Variants in DVL1 observed in about 807,000 individuals in gnomAD.
DVL1 encodes the protein segment polarity protein dishevelled homolog DVL-1.
A neutral mutation model predicts 65.0 loss-of-function variants in DVL1; 49 were observed. The observed-to-expected ratio is 0.75, with a 90% CI of 0.60 to 0.96. The LOEUF (loss-of-function observed/expected upper bound fraction) is 0.96, where lower values mean the gene tolerates loss of function less well. Among genes scored for constraint, DVL1 ranks in the 40% least tolerant of loss-of-function variants. The probability of loss-of-function intolerance (pLI) is 0.00; values close to 1 mark genes in which losing one functional copy is unlikely to be tolerated. For synonymous variants in DVL1, 608 were observed against 433.9 expected (o/e 1.40, Z -4.99); for missense variants, 1,197 against 1,045.4 (o/e 1.15, Z -2.00).
intron 13 of DVL1, 40 bp downstream of exon 13, chr1:1,338,229 T>TTGCCCCCCCCCC: frequency 2.0e-6 from 3 of 1,522,360 alleles, no homozygotes; most frequent in Non-Finnish European, 1.8e-6. Flanking sequence ...CCTCCGGCGT[T>TTGCCCCCCCCCC]CCCCTCCCCC....
intron 1 of DVL1, among the ~76,000 whole-genome samples, chr1:1,347,421 C>G (rs1284889879): frequency 6.6e-6 from 1 of 152,206 alleles, no homozygotes; most frequent in South Asian, 2.1e-4. Flanking sequence ...GGGCAACAGT[C>G]AGGCTGTCTC....
intron 1 of DVL1, among the ~76,000 whole-genome samples, chr1:1,343,762 G>T (rs762935507): frequency 6.6e-6 from 1 of 152,170 alleles, no homozygotes; most frequent in East Asian, 1.9e-4. Context: ...CCCAGAGGCC[G>T]CCCACCACCC....
intron 11 of DVL1, 119 bp downstream of exon 11, chr1:1,339,168 A>C (rs1288846503): frequency 3.0e-6 from 4 of 1,353,716 alleles, no homozygotes; most frequent in Non-Finnish European, 4.0e-6. Context: ...GGAGTTGGGG[A>C]CAGGCAACAC....
At position 1,339,810 on chromosome 1, in the gene DVL1, C is replaced by T; in HGVS notation, c.912G>A (p.Val304=). 3.1e-6 allele frequency: 5 copies of T among 1,609,558 alleles called. No homozygotes were observed. Among genetic ancestry groups the T allele is most frequent in the Non-Finnish European group, 4.2e-6 (5 of 1,179,882 alleles). Residue 304 remains valine, a splice_region_variant and synonymous_variant, in exon 9 of 15, where the codon GTG becomes GTA. Transcript: ENST00000378888. ...TCATGTTCTCAAAGTTCACGTCATTCACCTGCAGGGGTGGGGATTAGGGTG... is the reference window on the plus strand; with the variant it reads ...TCATGTTCTCAAAGTTCACGTCATTTACCTGCAGGGGTGGGGATTAGGGTG... ...RIEPGDMLLQ[V]NDVNFENMSN... is the part of the protein sequence containing the mutation.
intron 14 of DVL1, 66 bp downstream of exon 14, chr1:1,337,911 C>A: frequency 7.7e-7 from 1 of 1,298,708 alleles, no homozygotes. Flanking sequence ...GGGGGCGGAG[C>A]AGCAGTGGAG....
chr1:1,336,542 G>C (rs757845230), intron 14 of DVL1, 27 bp from the exon 15 acceptor site: 1 of 1,487,486 alleles, frequency 6.7e-7, no homozygotes, highest in African/African-American at 1.4e-5. Flanking sequence ...GATGGGGAAG[G>C]AGCCTGTCAG....
chr1:1,347,596 C>G (rs1467961535), intron 1 of DVL1, among the ~76,000 whole-genome samples: 1 of 152,218 alleles, frequency 6.6e-6, no homozygotes, highest in Non-Finnish European at 1.5e-5. Context: ...ACTTTGGTAA[C>G]TTTCGTTAGA....
intron 1 of DVL1, among the ~76,000 whole-genome samples, chr1:1,347,485 G>A (rs1373827713): frequency 6.6e-6 from 1 of 152,232 alleles, no homozygotes; most frequent in Non-Finnish European, 1.5e-5. Flanking sequence ...CTCCCCCAGG[G>A]CTTCATCCCA....
rs767423008 is a variant in DVL1 at position 1,340,399 on chromosome 1, CG to C, written c.699+10del. 1.2e-6 allele frequency: 2 copies of C among 1,611,222 alleles called. No homozygotes were observed. Among genetic ancestry groups the C allele is most frequent in the African/African-American group, 2.7e-5 (2 of 74,910 alleles). ...CTCCCCAGCCCCGCCCTGCTCCACC[CG>C]GCTGCCTACCCGGTCCGCCTGCCGA... On this transcript the variant is annotated intron_variant, in intron 6 of 14. Coordinates refer to ENST00000378888, the MANE Select transcript of DVL1 (RefSeq NM_001330311.2).
rs748742257 is a variant in DVL1, at chr1:1,336,392, C to T, written c.1838G>A (p.Gly613Glu). The T allele has an allele frequency of 5.0e-6, 8 of 1,599,108 alleles. No individual in the cohort carries two copies. Among genetic ancestry groups the T allele is most frequent in the Non-Finnish European group, 5.9e-6 (7 of 1,178,558 alleles). The stretch of plus-strand genomic sequence containing the variant: ...GGCCGGACGCTCTCGCCAGCTGCTC[C>T]CCACCCCACTCGGTGCCGTGTGATC... ...ESDHTAPSGV[G>E]SSWRERPAGQ... Residue 613 changes from glycine (G) to glutamate (E), a missense_variant, in exon 15 of 15, where the codon GGG becomes GAG. Gly to Glu is a moderately conservative substitution (Grantham distance 98). Coordinates refer to ENST00000378888, the MANE Select transcript of DVL1 (RefSeq NM_001330311.2).
chr1:1,343,202 T>C (rs1036266270), intron 1 of DVL1, among the ~76,000 whole-genome samples: 1 of 151,854 alleles, frequency 6.6e-6, no homozygotes, highest in East Asian at 1.9e-4. Context: ...ATGTATGTGG[T>C]GGCCCCAGAC....
rs376494450 is a variant in DVL1, at chr1:1,341,559, C to T, written c.605+108G>A. On this transcript the variant is annotated intron_variant, in intron 5 of 14. Coordinates refer to ENST00000378888, the MANE Select transcript of DVL1 (RefSeq NM_001330311.2). ...TTGCAGGCACACACATGCACACACA[C>T]GCACACACGTGCAATGTGAAAACAC... is the stretch of plus-strand genomic sequence containing the variant. 0.029 allele frequency: 40,315 copies of T among 1,368,220 alleles called. 735 individuals are homozygous for T. The highest frequency in any genetic ancestry group is 0.035 in the Non-Finnish European group (35,523 of 1,013,954). The allele number at this position is 1,368,220 out of a possible 1,614,324, so 84.8% of individuals were successfully genotyped here. A position where few individuals can be genotyped will look rare whatever the true frequency, so the allele number is the denominator to read the frequency against.
Position 1,349,313 on chromosome 1 carries a change from G to T in DVL1, c.-248C>A. On this transcript the variant is annotated 5_prime_UTR_variant, in exon 1 of 15. Coordinates refer to ENST00000378888, the MANE Select transcript of DVL1 (RefSeq NM_001330311.2). The surrounding 1 kb of genome is among the most constrained non-coding windows in gnomAD (Gnocchi z 4.1). Reference sequence around the variant, plus strand: ...CGCCCCCGGCCCGGGAGCGGCGCGAGGGACGCAGCACGGAGGGCGCGCTCA... The same window carrying T: ...CGCCCCCGGCCCGGGAGCGGCGCGATGGACGCAGCACGGAGGGCGCGCTCA... 6.9e-6 allele frequency: 1 copy of T among 145,766 alleles called. No homozygotes were observed. Among genetic ancestry groups the T allele is most frequent in the South Asian group, 2.1e-4 (1 of 4,862 alleles). 9.0% of individuals were successfully genotyped at this position (145,766 alleles called of 1,614,324 possible).
intron 10 of DVL1, 32 bp downstream of exon 10, chr1:1,339,550 A>C (rs1643712308): frequency 6.3e-7 from 1 of 1,581,742 alleles, no homozygotes; most frequent in Non-Finnish European, 8.6e-7. Context: ...CCCCCTCCCC[A>C]TCCCGCCCCG....
rs1184181939 is a variant in DVL1, at chr1:1,340,282, A to G, written c.734T>C (p.Met245Thr). The change falls in exon 7 of 15, where the codon ATG (methionine) becomes ACG (threonine). Residue 245 changes from methionine to threonine, a missense_variant. Met to Thr is a moderately conservative substitution (Grantham distance 81). Transcript: ENST00000378888. The stretch of plus-strand genomic sequence containing the variant: ...CGTGACAGTGACGATGTTGAGGGAC[A>G]TGGTGGAGTCGGTTATGCTGCTGAA... Reference protein sequence around the residue: ...SSFSSITDSTMSLNIVTVTLN... With the variant: ...SSFSSITDSTTSLNIVTVTLN... 2.5e-6 allele frequency: 4 copies of G among 1,613,906 alleles called. No homozygotes were observed. Among genetic ancestry groups the G allele is most frequent in the African/African-American group, 1.3e-5 (1 of 74,934 alleles).
intron 14 of DVL1, among the ~76,000 whole-genome samples, chr1:1,336,851 G>A (rs961949755): frequency 3.3e-5 from 5 of 152,154 alleles, no homozygotes; most frequent in African/African-American, 2.4e-5. Context: ...TGCCCCCGTG[G>A]CCATCCTGGA....
chr1:1,341,728 G>A lies in DVL1; in HGVS notation c.544C>T (p.Leu182Phe). ...GLPPDSASTA[L>F]SSELESSSFV... ...CTGCTGGACTCAAGCTCGCTGCTGA[G>A]GGCGGTGGACGCGCTGTCTGGGGGC... Residue 182 changes from leucine to phenylalanine, a missense_variant, in exon 5 of 15, where the codon CTC (leucine) becomes TTC (phenylalanine). Transcript: ENST00000378888. The A allele has an allele frequency of 6.2e-7, 1 of 1,611,346 alleles. No homozygotes were observed. Among genetic ancestry groups the A allele is most frequent in the Middle Eastern group, 1.7e-4 (1 of 6,056 alleles).
chr1:1,339,929 G>GC (rs1172551636), intron 8 of DVL1, 109 bp downstream of exon 8: 27 of 1,439,008 alleles, frequency 1.9e-5, no homozygotes, highest in African/African-American at 3.2e-5. Context: ...ACCCGCAGCC[G>GC]CATGTCCCCC....
At position 1,339,374 on chromosome 1, in the gene DVL1, G is replaced by A. The variant is rs1403257145; in HGVS notation, c.1120C>T (p.Leu374=). The change falls in exon 11 of 15, where the codon CTG becomes TTG. Residue 374 remains leucine, a synonymous_variant. Transcript: ENST00000378888. ...LSHTAALTGA[L]PRYGTSPCSS... The stretch of plus-strand genomic sequence containing the variant: ...CAGGGACTCGTACCGTAGCGGGGCA[G>A]GGCTCCTGTCAGTGCCGCCGTGTGG... 3 of 1,548,970 alleles carry A rather than the reference G, an allele frequency of 1.9e-6. No individual in the cohort carries two copies. Among genetic ancestry groups the A allele is most frequent in the Middle Eastern group, 2.1e-4 (1 of 4,742 alleles).
Sources: gnomAD v4.1 joint callset for allele counts (sites outside exome capture counted in the v4.1 genomes callset) on GRCh38, gnomAD v4.1.1 for gene constraint, Gnocchi (gnomAD v3.1) non-coding constraint, MANE v1.5 for transcripts, NCBI Gene and HGNC (gene_info 2026-07-23, HGNC 2026-07-21) for gene names.